NELL2: variants seen among roughly 807,000 people sequenced by gnomAD.
NELL2 encodes protein kinase C-binding protein NELL2.
In NELL2, 41 loss-of-function variants were observed where a neutral mutation model predicts 109.6. That is an observed-to-expected ratio of 0.37 (90% CI 0.29 to 0.49). NELL2 has a LOEUF of 0.49. Ranked by LOEUF, NELL2 falls within the 20% of genes least tolerant of loss-of-function variation. NELL2 has a pLI of 0.98. For missense variants in NELL2, 900 were observed against 1,008.3 expected (o/e 0.89, Z 1.45); for synonymous variants, 355 against 344.7 (o/e 1.03, Z -0.33).
chr12:44,902,143 T>G (rs1456345205), intron 1 of NELL2, among the ~76,000 whole-genome samples: 1 of 152,232 alleles, frequency 6.6e-6, no homozygotes, highest in Non-Finnish European at 1.5e-5. Context: ...ATTGTATATT[T>G]AGAAAACCCC....
At chr12:44,735,680 T>C (rs1939601415) in intron 9 of NELL2, among the ~76,000 whole-genome samples, 1 of 152,210 alleles carries the variant, frequency 6.6e-6, no homozygotes, top group African/African-American at 2.4e-5. Context: ...GCAGTTCCAC[T>C]GATTTTTTTC....
intron 15 of NELL2, among the ~76,000 whole-genome samples, chr12:44,547,470 C>T (rs993203275): frequency 7.9e-5 from 12 of 152,166 alleles, no homozygotes; most frequent in Non-Finnish European, 1.8e-4. Context: ...ATTACTCCAG[C>T]ATGTAAATAT....
intron 12 of NELL2, among the ~76,000 whole-genome samples, chr12:44,684,677 C>T (rs995391935): frequency 2.6e-5 from 4 of 152,018 alleles, no homozygotes; most frequent in Admixed American, 2.6e-4. Flanking sequence ...CGTTATGTAC[C>T]CACTAGTCAT....
intron 12 of NELL2, among the ~76,000 whole-genome samples, chr12:44,691,472 T>C (rs967094410): frequency 2.0e-5 from 3 of 152,150 alleles, no homozygotes; most frequent in Non-Finnish European, 2.9e-5. Context: ...GTCCACGCTA[T>C]TCCCTGGGAT....
chr12:44,793,537 C>T (rs1942509663), intron 3 of NELL2, among the ~76,000 whole-genome samples: 1 of 152,074 alleles, frequency 6.6e-6, no homozygotes, highest in South Asian at 2.1e-4. Flanking sequence ...AATTCCTAAA[C>T]CTAAGCCACT....
chr12:44,781,254 A>G (rs1465746996), intron 3 of NELL2, among the ~76,000 whole-genome samples: 2 of 152,092 alleles, frequency 1.3e-5, no homozygotes, highest in Non-Finnish European at 2.9e-5. Context: ...TGGAAATGAA[A>G]GCTCAGTGGA....
intron 12 of NELL2, among the ~76,000 whole-genome samples, chr12:44,676,570 A>G (rs1435481373): frequency 6.6e-6 from 1 of 152,128 alleles, no homozygotes; most frequent in Non-Finnish European, 1.5e-5. Flanking sequence ...TCTCAAAATA[A>G]TGGCCACAAA....
At chr12:44,589,680 A>G (rs1306491720) in intron 15 of NELL2, among the ~76,000 whole-genome samples, 1 of 152,174 alleles carries the variant, frequency 6.6e-6, no homozygotes, top group Admixed American at 6.5e-5. Flanking sequence ...CACTACTTTT[A>G]AGCGATGCTT....
chr12:44,574,072 T>A (rs1376726394), intron 15 of NELL2, among the ~76,000 whole-genome samples: 1 of 146,400 alleles, frequency 6.8e-6, no homozygotes, highest in African/African-American at 2.5e-5. Context: ...TTTATTTTTA[T>A]TTTTTTTTTG....
chr12:44,888,520 G>A (rs1206778361), intron 1 of NELL2, among the ~76,000 whole-genome samples: 1 of 151,130 alleles, frequency 6.6e-6, no homozygotes. Context: ...TGCAAAGAAT[G>A]ATTAGAGACT....
At chr12:44,700,402 A>G (rs1949194426) in intron 12 of NELL2, among the ~76,000 whole-genome samples, 1 of 152,144 alleles carries the variant, frequency 6.6e-6, no homozygotes, top group Non-Finnish European at 1.5e-5. Flanking sequence ...CTTGTTCTTA[A>G]CATGAAACTC....
intron 13 of NELL2, among the ~76,000 whole-genome samples, chr12:44,638,657 T>G (rs1403885841): frequency 6.6e-6 from 1 of 152,188 alleles, no homozygotes; most frequent in Non-Finnish European, 1.5e-5. Flanking sequence ...ACAACTCTTT[T>G]GTGGGTAAAC....
intron 13 of NELL2, among the ~76,000 whole-genome samples, chr12:44,661,743 T>G (rs1280264624): frequency 6.6e-6 from 1 of 152,188 alleles, no homozygotes; most frequent in African/African-American, 2.4e-5. Context: ...TTGTTATGCA[T>G]AAACAAAATA....
intron 9 of NELL2, among the ~76,000 whole-genome samples, chr12:44,731,067 G>T (rs889135778): frequency 4.6e-5 from 7 of 152,042 alleles, no homozygotes; most frequent in African/African-American, 1.7e-4. Flanking sequence ...TATGACAGCA[G>T]AATCATTAGA....
At chr12:44,873,334 A>C (rs1945219114) in intron 2 of NELL2, among the ~76,000 whole-genome samples, 1 of 152,144 alleles carries the variant, frequency 6.6e-6, no homozygotes, top group South Asian at 2.1e-4. Context: ...ATTCAAACAA[A>C]ACATTTTATA....
chr12:44,593,250 G>GGA (rs544837639), intron 15 of NELL2, among the ~76,000 whole-genome samples: 59 of 152,280 alleles, frequency 3.9e-4, no homozygotes, highest in African/African-American at 1.4e-3. Flanking sequence ...GATCCAGAAA[G>GGA]GAGATGGTAA....
At chr12:44,868,119 CAAAAAAAAAAA>C (rs34038469) in intron 2 of NELL2, among the ~76,000 whole-genome samples, 2 of 64,654 alleles carry the variant, frequency 3.1e-5, no homozygotes, top group East Asian at 4.8e-4. Context: ...GGCTCCATCT[CAAAAAAAAAAA>C]AAAAAAAAAA....
chr12:44,512,905 T>A (rs968690775), intron 19 of NELL2, among the ~76,000 whole-genome samples: 7 of 152,012 alleles, frequency 4.6e-5, no homozygotes, highest in African/African-American at 1.7e-4. Context: ...TATAACACTG[T>A]AGGATAAATA....
At chr12:44,769,943 G>A (rs1312774552) in intron 9 of NELL2, among the ~76,000 whole-genome samples, 1 of 152,094 alleles carries the variant, frequency 6.6e-6, no homozygotes, top group African/African-American at 2.4e-5. Context: ...TTAGTTCTGG[G>A]TTTCAACCTT....
Sources: allele counts gnomAD v4.1 joint callset (sites outside exome capture counted in the v4.1 genomes callset), GRCh38; gene constraint gnomAD v4.1.1; transcripts MANE v1.5; gene names NCBI Gene and HGNC (gene_info 2026-07-23, HGNC 2026-07-21).